GNA14: variants seen among roughly 807,000 people sequenced by gnomAD.
The protein encoded by GNA14 is G protein subunit alpha 14, also known as guanine nucleotide-binding protein subunit alpha-14.
Under a neutral mutation model 42.0 loss-of-function variants are expected in GNA14, and 50 were observed. The observed-to-expected ratio is 1.19, with a 90% CI of 0.95 to 1.51. The LOEUF is 1.51. Ranked by LOEUF, GNA14 falls within the 40% of genes most tolerant of loss-of-function variation. GNA14 has a pLI of 0.00. For missense variants in GNA14, 473 were observed against 446.2 expected, an observed-to-expected ratio of 1.06 and a Z score of -0.54; for synonymous variants, 173 against 163.1, an observed-to-expected ratio of 1.06 and a Z score of -0.46.
intron 2 of GNA14, among the ~76,000 whole-genome samples, chr9:77,496,173 A>C (rs1350699956): frequency 6.6e-6 from 1 of 152,152 alleles, no homozygotes; most frequent in Non-Finnish European, 1.5e-5. Context: ...GCAAATAATG[A>C]CATTTCAGAT....
At chr9:77,630,117 T>TG (rs1361885223) in intron 1 of GNA14, among the ~76,000 whole-genome samples, 1 of 151,200 alleles carries the variant, frequency 6.6e-6, no homozygotes, top group African/African-American at 2.4e-5. Context: ...TTTTTGTTTT[T>TG]TTTTTTTTTG....
chr9:77,479,341 G>A lies in GNA14; in HGVS notation c.310-44819C>T, dbSNP rs562304240. The stretch of plus-strand genomic sequence containing the variant: ...AAAGATCAGATGGTTGTAGATATGC[G>A]GCATTATTTCTGAGGGCTCTGTTCT... On this transcript the variant is annotated intron_variant, in intron 2 of 6. Coordinates refer to ENST00000341700, the MANE Select transcript of GNA14 (RefSeq NM_004297.4). Among the ~76,000 whole-genome samples the A allele has an allele frequency of 3.3e-3, 507 of 152,158 alleles. 2 individuals are homozygous for A. The highest frequency in any genetic ancestry group is 0.012 in the African/African-American group (491 of 41,520).
intron 2 of GNA14, among the ~76,000 whole-genome samples, chr9:77,482,216 C>CTAA (rs1554690930): frequency 8.5e-5 from 13 of 152,078 alleles, no homozygotes; most frequent in Non-Finnish European, 1.5e-4. Flanking sequence ...TTTAGTGCTT[C>CTAA]CTTCAGGAGC....
chr9:77,593,775 C>T (rs1823424210), intron 1 of GNA14, among the ~76,000 whole-genome samples: 1 of 152,196 alleles, frequency 6.6e-6, no homozygotes. Context: ...AACACATTCT[C>T]CTTTTCAGCT....
At chr9:77,486,633 T>G (rs1836664929) in intron 2 of GNA14, among the ~76,000 whole-genome samples, 1 of 152,214 alleles carries the variant, frequency 6.6e-6, no homozygotes, top group South Asian at 2.1e-4. Context: ...GTGACTCCTC[T>G]TTTCACTTGA....
intron 2 of GNA14, among the ~76,000 whole-genome samples, chr9:77,494,507 C>T (rs1295348838): frequency 6.6e-6 from 1 of 151,840 alleles, no homozygotes; most frequent in Non-Finnish European, 1.5e-5. Context: ...ACTCACAAAG[C>T]ATGTTAGTGT....
intron 2 of GNA14, among the ~76,000 whole-genome samples, chr9:77,520,669 G>C (rs1046392358): frequency 6.6e-6 from 1 of 152,170 alleles, no homozygotes; most frequent in African/African-American, 2.4e-5. Context: ...GGGTTCAAGA[G>C]ATTCTCCTGC....
At chr9:77,490,778 T>A (rs377294082) in intron 2 of GNA14, among the ~76,000 whole-genome samples, 5 of 152,174 alleles carry the variant, frequency 3.3e-5, no homozygotes, top group African/African-American at 1.2e-4. Context: ...CACACCTCCC[T>A]GCAAGCTGAG....
intron 2 of GNA14, among the ~76,000 whole-genome samples, chr9:77,492,900 C>G (rs2131737400): frequency 6.7e-6 from 1 of 148,966 alleles, no homozygotes; most frequent in Middle Eastern, 3.4e-3. Context: ...ACTCGGGAGG[C>G]TGAGGCAGGA....
intron 2 of GNA14, among the ~76,000 whole-genome samples, chr9:77,511,054 CAAA>C (rs11307052): frequency 7.3e-6 from 1 of 137,776 alleles, no homozygotes; most frequent in Non-Finnish European, 1.6e-5. Flanking sequence ...TTTCCCATTC[CAAA>C]AAAAAAAAAA....
At chr9:77,531,900 T>C (rs929333107) in intron 1 of GNA14, among the ~76,000 whole-genome samples, 3 of 152,300 alleles carry the variant, frequency 2.0e-5, no homozygotes, top group East Asian at 1.9e-4. Context: ...AGAGAAGATA[T>C]AGATGTATTC....
chr9:77,643,984 G>C (rs750682035), intron 1 of GNA14, among the ~76,000 whole-genome samples: 15 of 152,120 alleles, frequency 9.9e-5, no homozygotes, highest in Non-Finnish European at 1.9e-4. Context: ...ACTGGGCTAA[G>C]AATCTACATT....
intron 1 of GNA14, among the ~76,000 whole-genome samples, chr9:77,615,843 GTTTTTGTT>G: frequency 6.9e-6 from 1 of 144,706 alleles, no homozygotes; most frequent in Non-Finnish European, 1.5e-5. Flanking sequence ...AGTTCTTTTG[GTTTTTGTT>G]TTTTTGTTTT....
intron 1 of GNA14, among the ~76,000 whole-genome samples, chr9:77,554,330 G>A (rs536090417): frequency 2.0e-5 from 3 of 152,250 alleles, no homozygotes; most frequent in Non-Finnish European, 4.4e-5. Context: ...GGTGGTAGGC[G>A]AACAGTGTTT....
chr9:77,474,565 T>A (rs1170029704), intron 2 of GNA14, among the ~76,000 whole-genome samples: 1 of 152,196 alleles, frequency 6.6e-6, no homozygotes, highest in Non-Finnish European at 1.5e-5. Context: ...TAAAATCATG[T>A]GGCCACTTTG....
At chr9:77,432,512 C>A (rs1355719334) in intron 3 of GNA14, among the ~76,000 whole-genome samples, 1 of 152,178 alleles carries the variant, frequency 6.6e-6, no homozygotes, top group Non-Finnish European at 1.5e-5. Flanking sequence ...CAGCCCTTAC[C>A]ACAGTGCCTG....
chr9:77,472,801 T>C (rs1836355440), intron 2 of GNA14, among the ~76,000 whole-genome samples: 1 of 151,288 alleles, frequency 6.6e-6, no homozygotes, highest in Non-Finnish European at 1.5e-5. Context: ...TCTCTCTCTC[T>C]CTCTCTCTCT....
intron 1 of GNA14, among the ~76,000 whole-genome samples, chr9:77,591,865 C>G (rs1490878313): frequency 6.6e-6 from 1 of 151,788 alleles, no homozygotes; most frequent in Non-Finnish European, 1.5e-5. Flanking sequence ...GCCTAGCTCT[C>G]TGTGAACCAC....
intron 1 of GNA14, among the ~76,000 whole-genome samples, chr9:77,559,690 C>T (rs1822847435): frequency 6.6e-6 from 1 of 152,156 alleles, no homozygotes; most frequent in Admixed American, 6.5e-5. Context: ...GCCATTTCTC[C>T]CCTTCAGGTT....
Sources: gnomAD v4.1 joint callset for allele counts (sites outside exome capture counted in the v4.1 genomes callset) on GRCh38, gnomAD v4.1.1 for gene constraint, MANE v1.5 for transcripts, NCBI Gene and HGNC (gene_info 2026-07-23, HGNC 2026-07-21) for gene names.